Variants in CSMD1 observed in about 807,000 individuals in gnomAD.
CSMD1 encodes CUB and Sushi multiple domains 1, also known as CUB and sushi domain-containing protein 1.
A neutral mutation model predicts 417.5 loss-of-function variants in CSMD1; 213 were observed. The observed-to-expected ratio is 0.51, with a 90% CI of 0.46 to 0.57. The LOEUF (loss-of-function observed/expected upper bound fraction) is 0.57. CSMD1 is among the 20% of genes least tolerant of loss of function. The probability of loss-of-function intolerance (pLI) is 0.00; values close to 1 mark genes in which losing one functional copy is unlikely to be tolerated. For missense variants in CSMD1, 6,923 were observed against 4,529.7 expected (o/e 1.53, Z -15.17); for synonymous variants, 2,862 against 1,736.8 (o/e 1.65, Z -16.11).
chr8:3,701,551 A>C (rs1056707525), intron 7 of CSMD1, among the ~76,000 whole-genome samples: 4 of 152,070 alleles, frequency 2.6e-5, no homozygotes, highest in Non-Finnish European at 5.9e-5. Context: ...CGATTAAGAG[A>C]AGATTACCCA....
intron 2 of CSMD1, among the ~76,000 whole-genome samples, chr8:4,472,386 G>A (rs1046453311): frequency 6.6e-6 from 1 of 152,034 alleles, no homozygotes; most frequent in Non-Finnish European, 1.5e-5. Flanking sequence ...TAGTAACAGT[G>A]CTTCACTGTA....
intron 1 of CSMD1, among the ~76,000 whole-genome samples, chr8:4,910,173 T>G (rs1429613504): frequency 6.6e-6 from 1 of 152,212 alleles, no homozygotes; most frequent in Admixed American, 6.6e-5. Flanking sequence ...AAATTGTGTT[T>G]CATTATACAC....
chr8:4,897,148 G>A (rs765381387), intron 1 of CSMD1, among the ~76,000 whole-genome samples: 1 of 152,020 alleles, frequency 6.6e-6, no homozygotes, highest in Non-Finnish European at 1.5e-5. Flanking sequence ...GCAGGTGCAC[G>A]TTATTATCTC....
At chr8:3,621,724 T>G (rs980355814) in intron 7 of CSMD1, among the ~76,000 whole-genome samples, 2 of 151,890 alleles carry the variant, frequency 1.3e-5, no homozygotes, top group African/African-American at 4.8e-5. Context: ...CAACTACAGG[T>G]GCATGCCACC....
intron 3 of CSMD1, among the ~76,000 whole-genome samples, chr8:4,201,617 T>C (rs1021892066): frequency 8.3e-6 from 1 of 120,044 alleles, no homozygotes; most frequent in Non-Finnish European, 1.8e-5. Flanking sequence ...AAAATTGAAA[T>C]ATAAAATACA....
intron 5 of CSMD1, among the ~76,000 whole-genome samples, chr8:3,794,742 C>T (rs1424042881): frequency 6.6e-6 from 1 of 152,044 alleles, no homozygotes; most frequent in African/African-American, 2.4e-5. Context: ...ACAGTTGCAA[C>T]TTCCAGGTCA....
chr8:4,075,072 T>A (rs549459346), intron 3 of CSMD1, among the ~76,000 whole-genome samples: 1 of 152,284 alleles, frequency 6.6e-6, no homozygotes, highest in East Asian at 1.9e-4. Flanking sequence ...ATACAGTGAA[T>A]AATATTTCTT....
At chr8:3,459,325 G>A (rs964377416) in intron 12 of CSMD1, among the ~76,000 whole-genome samples, 2 of 152,164 alleles carry the variant, frequency 1.3e-5, no homozygotes, top group Admixed American at 6.5e-5. Context: ...GCTGGCTGAC[G>A]TGGGGCACAG....
intron 1 of CSMD1, among the ~76,000 whole-genome samples, chr8:4,686,189 T>C (rs1806377097): frequency 6.6e-6 from 1 of 152,236 alleles, no homozygotes; most frequent in African/African-American, 2.4e-5. Context: ...CGTACCCTTC[T>C]TTCACCTTTG....
intron 47 of CSMD1, among the ~76,000 whole-genome samples, chr8:3,094,396 A>C (rs1207315478): frequency 2.0e-5 from 3 of 152,144 alleles, no homozygotes; most frequent in Non-Finnish European, 2.9e-5. Context: ...TGAGCCACTA[A>C]GCCTGGCCAG....
chr8:4,590,880 G>A (rs996464957), intron 2 of CSMD1, among the ~76,000 whole-genome samples: 9 of 152,184 alleles, frequency 5.9e-5, no homozygotes, highest in African/African-American at 1.7e-4. Flanking sequence ...TTACTTGGCA[G>A]AACTCATCGT....
In CSMD1 at chr8:3,623,980, AC is replaced by A. The variant is rs1312639730; in HGVS notation, c.1010-7184del. Among the ~76,000 whole-genome samples, 6 of 151,622 alleles carry A rather than the reference AC, an allele frequency of 4.0e-5. No homozygotes were observed. The East Asian group carries it at 9.7e-4, about 24-fold the overall frequency. The stretch of plus-strand genomic sequence containing the variant: ...TGACAGAACAAAACTCCACAAAAAA[AC>A]AAAACAAAACAAAAAAAAAACCTTT... On this transcript the variant is annotated intron_variant, in intron 7 of 69. Transcript: ENST00000635120.
chr8:4,281,852 A>G (rs144360262), intron 3 of CSMD1, among the ~76,000 whole-genome samples: 1,532 of 152,304 alleles, frequency 0.01, 26 homozygotes, highest in African/African-American at 0.035. Context: ...AAACACACCT[A>G]ACATGCATTA....
At chr8:4,947,491 G>A (rs962236050) in intron 1 of CSMD1, among the ~76,000 whole-genome samples, 1 of 152,102 alleles carries the variant, frequency 6.6e-6, no homozygotes, top group Non-Finnish European at 1.5e-5. Context: ...ATGAGAAAAT[G>A]AGAACCATGT....
chr8:4,834,920 G>A (rs1800374760), intron 1 of CSMD1, among the ~76,000 whole-genome samples: 1 of 116,726 alleles, frequency 8.6e-6, no homozygotes, highest in South Asian at 3.0e-4. Context: ...TGGCGCCACT[G>A]CACTCCAGCC....
intron 25 of CSMD1, among the ~76,000 whole-genome samples, chr8:3,300,694 C>G (rs765529277): frequency 6.6e-6 from 1 of 151,972 alleles, no homozygotes; most frequent in African/African-American, 2.4e-5. Context: ...TGGTGGCTCA[C>G]GCTTCTAATC....
At chr8:3,956,857 G>A (rs553935232) in intron 5 of CSMD1, among the ~76,000 whole-genome samples, 10 of 152,236 alleles carry the variant, frequency 6.6e-5, no homozygotes, top group Admixed American at 5.9e-4. Flanking sequence ...TCCTGACTAG[G>A]AACTCCTTGG....
chr8:4,097,181 T>G (rs1368409972), intron 3 of CSMD1, among the ~76,000 whole-genome samples: 1 of 152,174 alleles, frequency 6.6e-6, no homozygotes, highest in Non-Finnish European at 1.5e-5. Flanking sequence ...ATATGCTCAA[T>G]AAGCAATTGC....
At chr8:3,208,449 T>G (rs1295136076) in intron 30 of CSMD1, among the ~76,000 whole-genome samples, 2 of 152,074 alleles carry the variant, frequency 1.3e-5, no homozygotes, top group Admixed American at 1.3e-4. Flanking sequence ...GTATTTTTAG[T>G]AGAGATGGGA....
Sources: allele counts gnomAD v4.1 joint callset (sites outside exome capture counted in the v4.1 genomes callset), GRCh38; gene constraint gnomAD v4.1.1; transcripts MANE v1.5; gene names NCBI Gene and HGNC (gene_info 2026-07-23, HGNC 2026-07-21).